TBX19: variants seen among roughly 807,000 people sequenced by gnomAD.
TBX19 encodes T-box transcription factor TBX19.
A neutral mutation model predicts 40.9 loss-of-function variants in TBX19; 33 were observed. The ratio of observed to expected loss-of-function variants is 0.81; its 90% CI spans 0.61 to 1.08. The LOEUF is 1.08. TBX19 is among the 50% of genes least tolerant of loss of function. The pLI is 0.00. For synonymous variants in TBX19, 220 were observed against 225.0 expected (o/e 0.98, Z 0.20); for missense variants, 494 against 574.0 (o/e 0.86, Z 1.42).
chr1:168,297,185 C>T (rs1407266693), intron 3 of TBX19, among the ~76,000 whole-genome samples: 2 of 152,094 alleles, frequency 1.3e-5, no homozygotes, highest in Non-Finnish European at 1.5e-5. Flanking sequence ...CAGTGAATGG[C>T]AGTGATAGTT....
chr1:168,288,350 A>G (rs1166202812), intron 1 of TBX19, among the ~76,000 whole-genome samples: 1 of 152,104 alleles, frequency 6.6e-6, no homozygotes, highest in African/African-American at 2.4e-5. Context: ...TTGAATCTAC[A>G]GATGCAGACC....
intron 5 of TBX19, among the ~76,000 whole-genome samples, chr1:168,303,286 G>T (rs1476919264): frequency 6.6e-6 from 1 of 152,118 alleles, no homozygotes; most frequent in Non-Finnish European, 1.5e-5. Flanking sequence ...GTGAGAACAT[G>T]CGGTGTTTGG....
rs780523079 is a variant in TBX19, at chr1:168,281,179, G to A, written c.89G>A (p.Gly30Glu). Residue 30 changes from glycine (G) to glutamate (E), a missense_variant, in exon 1 of 8, where the codon GGG becomes GAG. By Grantham distance (98) the Gly-to-Glu change is moderately conservative (BLOSUM62 -2). Coordinates refer to ENST00000367821, the MANE Select transcript of TBX19 (RefSeq NM_005149.3). ...GTGGTGGAGAGTGAGCTTCAGGCAG[G>A]GAGGGAAAAAGGCGACCCTACGGAG... ...LNVVESELQA[G>E]REKGDPTEKQ... is the part of the protein sequence containing the mutation. 2 of 1,614,150 alleles carry A rather than the reference G, an allele frequency of 1.2e-6. No homozygotes were observed. The highest frequency in any genetic ancestry group is 1.7e-6 in the Non-Finnish European group (2 of 1,180,006).
intron 3 of TBX19, 129 bp downstream of exon 3, chr1:168,293,407 C>T: frequency 8.2e-7 from 1 of 1,219,494 alleles, no homozygotes; most frequent in South Asian, 1.4e-5. Flanking sequence ...GATTTGGATA[C>T]ACTCAGCAGA....
intron 1 of TBX19, among the ~76,000 whole-genome samples, chr1:168,288,276 T>TG (rs35738618): frequency 0.64 from 97,307 of 151,294 alleles, 31,292 homozygotes; most frequent in Non-Finnish European, 0.68. Context: ...TATGCCATAT[T>TG]TTTTTTTTGT....
At position 168,312,867 on chromosome 1, in the gene TBX19, T is replaced by C. The variant is rs1319616957; in HGVS notation, c.1212T>C (p.Gly404=). ...CCACCCAAGCACCCACTTCGGCTGG[T>C]GTGGAGGTTCTGGGGGAGCCCTCGC... ...VLSTQAPTSA[G]VEVLGEPSLT... The change falls in exon 8 of 8, where the codon GGT becomes GGC. Residue 404 remains glycine (G), a synonymous_variant. Coordinates refer to ENST00000367821, the MANE Select transcript of TBX19 (RefSeq NM_005149.3). 6.2e-7 allele frequency: 1 copy of C among 1,614,236 alleles called. No homozygotes were observed. Among genetic ancestry groups the C allele is most frequent in the South Asian group, 1.1e-5 (1 of 91,088 alleles).
rs1203321539 is a variant in TBX19 at position 168,300,475 on chromosome 1, A to G, written c.719A>G (p.Tyr240Cys). 5 of 1,614,002 alleles carry G rather than the reference A, an allele frequency of 3.1e-6. No homozygotes were observed. Among genetic ancestry groups the G allele is most frequent in the East Asian group, 2.2e-5 (1 of 44,896 alleles). Residue 240 changes from tyrosine (Y) to cysteine (C), a missense_variant, in exon 5 of 8, where the codon TAT (tyrosine) becomes TGT (cysteine). Tyr to Cys is a radical substitution (Grantham distance 194). Coordinates refer to ENST00000367821, the MANE Select transcript of TBX19 (RefSeq NM_005149.3). Reference protein sequence around the residue: ...EAISESQHVTYSHLGGWIFSN... With the variant: ...EAISESQHVTCSHLGGWIFSN... The stretch of plus-strand genomic sequence containing the variant: ...ATCTCTGAGAGCCAGCATGTGACCT[A>G]TTCTCACTGTGAGTTGGGTGTACAT...
intron 1 of TBX19, among the ~76,000 whole-genome samples, chr1:168,285,836 G>A (rs1216020351): frequency 6.6e-6 from 1 of 152,148 alleles, no homozygotes; most frequent in Non-Finnish European, 1.5e-5. Flanking sequence ...GCCTGATCAC[G>A]AGTGGTAATC....
Position 168,312,928 on chromosome 1 carries a change from G to T in TBX19, c.1273G>T (p.Ala425Ser). 1 of 1,614,254 alleles carries T rather than the reference G, an allele frequency of 6.2e-7. No homozygotes were observed. Among genetic ancestry groups the T allele is most frequent in the Admixed American group, 1.7e-5 (1 of 60,032 alleles). The change falls in exon 8 of 8, where the codon GCC (alanine) becomes TCC (serine). Residue 425 changes from alanine to serine, a missense_variant. Coordinates refer to ENST00000367821, the MANE Select transcript of TBX19 (RefSeq NM_005149.3). ...SIAVSTWTAV[A>S]SHPFAGWGGP... ...TGCTGTGTCCACCTGGACAGCAGTG[G>T]CCTCGCATCCCTTCGCGGGCTGGGG...
Position 168,312,949 on chromosome 1 carries a change from T to G in TBX19, c.1294T>G (p.Trp432Gly), listed in dbSNP as rs201988334. ...TAVASHPFAG[W>G]GGPGAGGHHS... is the part of the protein sequence containing the mutation. The stretch of plus-strand genomic sequence containing the variant: ...AGTGGCCTCGCATCCCTTCGCGGGC[T>G]GGGGTGGCCCAGGAGCGGGTGGGCA... The change falls in exon 8 of 8, where the codon TGG (tryptophan) becomes GGG (glycine). Residue 432 changes from tryptophan (W) to glycine (G), a missense_variant. Around this residue, in one of 3 missense-constraint regions of TBX19, gnomAD observed 284 missense variants for 307.3 expected, o/e 0.92. Transcript: ENST00000367821. 240 of 1,614,232 alleles carry G rather than the reference T, an allele frequency of 1.5e-4. No homozygotes were observed. The highest frequency in any genetic ancestry group is 9.6e-4 in the South Asian group (87 of 91,088).
chr1:168,312,620 C>A, intron 7 of TBX19, 88 bp from the exon 8 acceptor site: 1 of 1,483,576 alleles, frequency 6.7e-7, no homozygotes. Context: ...CCATGCCCTT[C>A]TCAGCACTGT....
chr1:168,293,931 A>G (rs1649030888), intron 3 of TBX19, among the ~76,000 whole-genome samples: 1 of 152,144 alleles, frequency 6.6e-6, no homozygotes, highest in Non-Finnish European at 1.5e-5. Context: ...GACAATATTT[A>G]TTTATTTAAA....
In TBX19 at chr1:168,281,038, G is replaced by C; in HGVS notation, c.-53G>C. ...AGCAGGCAAGTGAGGGAAGGAAGAA[G>C]CTAGAAGCAGGCAAGTTGGGTAACG... On this transcript the variant is annotated 5_prime_UTR_variant, in exon 1 of 8. Transcript: ENST00000367821. The C allele has an allele frequency of 6.4e-7, 1 of 1,564,904 alleles. No homozygotes were observed. The highest frequency in any genetic ancestry group is 8.8e-7 in the Non-Finnish European group (1 of 1,137,502).
intron 4 of TBX19, among the ~76,000 whole-genome samples, chr1:168,299,663 G>A (rs1649226426): frequency 6.6e-6 from 1 of 152,044 alleles, no homozygotes; most frequent in African/African-American, 2.4e-5. Context: ...TAAAGAGACA[G>A]GGGCTCTCAG....
At chr1:168,297,403 T>G (rs1649138967) in intron 3 of TBX19, among the ~76,000 whole-genome samples, 1 of 152,214 alleles carries the variant, frequency 6.6e-6, no homozygotes, top group Admixed American at 6.5e-5. Flanking sequence ...GAATGCTAGG[T>G]TTCGCACATC....
chr1:168,287,478 T>A (rs80000048), intron 1 of TBX19, among the ~76,000 whole-genome samples: 13,021 of 152,090 alleles, frequency 0.086, 1,021 homozygotes, highest in African/African-American at 0.21. Flanking sequence ...ATTTTTTTTT[T>A]AATAGAGATG....
chr1:168,292,812 T>C lies in TBX19; in HGVS notation c.469-332T>C, dbSNP rs12045550. ...CCGGGAGGCGGAGCTTGCAGTGAGC[T>C]GAGATAGCGCCACTGCACTCCAGCC... On this transcript the variant is annotated intron_variant, in intron 2 of 7. Coordinates refer to ENST00000367821, the MANE Select transcript of TBX19 (RefSeq NM_005149.3). Among the ~76,000 whole-genome samples the C allele has an allele frequency of 1.3e-3, 169 of 131,986 alleles. 1 individual carries two copies. The East Asian group carries it at 0.02, about 15-fold the overall frequency. 86.6% of individuals were successfully genotyped at this position (131,986 alleles called of 152,430 possible). A position where few individuals can be genotyped will look rare whatever the true frequency, so the allele number is the denominator to read the frequency against.
At chr1:168,287,896 TAAAA>T (rs77467148) in intron 1 of TBX19, among the ~76,000 whole-genome samples, 2 of 133,634 alleles carry the variant, frequency 1.5e-5, no homozygotes, top group Admixed American at 7.6e-5. Context: ...GAAAAGAGAG[TAAAA>T]AAAAAAAAAA....
At chr1:168,308,971 G>T (rs1649466711) in intron 7 of TBX19, 94 bp downstream of exon 7, 2 of 1,563,388 alleles carry the variant, frequency 1.3e-6, no homozygotes, top group Middle Eastern at 1.7e-4. Context: ...AGGGTGGCTT[G>T]GTCTAACCTA....
Sources: gnomAD v4.1 joint callset for allele counts (sites outside exome capture counted in the v4.1 genomes callset) on GRCh38, gnomAD v4.1.1 for gene constraint, gnomAD v4.1.1 regional missense constraint, MANE v1.5 for transcripts, NCBI Gene and HGNC (gene_info 2026-07-23, HGNC 2026-07-21) for gene names.